The following PATJ variants were observed in gnomAD, a reference collection of about 807,000 sequenced individuals.
The protein encoded by PATJ is PATJ crumbs cell polarity complex component, also known as inaD-like protein.
In PATJ, 190 loss-of-function variants were observed where a neutral mutation model predicts 224.9. The ratio of observed to expected loss-of-function variants is 0.84; its 90% confidence interval spans 0.75 to 0.95. PATJ has a LOEUF of 0.95. Among genes scored for constraint, PATJ ranks in the 40% least tolerant of loss-of-function variants. The probability of loss-of-function intolerance (pLI) is 0.00; values close to 1 mark genes in which losing one functional copy is unlikely to be tolerated. For synonymous variants in PATJ, 769 were observed against 820.3 expected (o/e 0.94, Z 1.07); for missense variants, 2,121 against 2,270.3 (o/e 0.93, Z 1.34).
At chr1:61,963,989 A>G (rs1420343700) in intron 27 of PATJ, among the ~76,000 whole-genome samples, 2 of 152,180 alleles carry the variant, frequency 1.3e-5, no homozygotes, top group African/African-American at 4.8e-5. Context: ...ATTCTAATAT[A>G]ATGAGTTCTA....
chr1:62,013,484 A>G (rs1646574003), intron 28 of PATJ: 1 of 985,316 alleles, frequency 1.0e-6, no homozygotes, highest in Non-Finnish European at 1.2e-6. Flanking sequence ...GGAACCACCT[A>G]GAGGAGGATG....
intron 26 of PATJ, among the ~76,000 whole-genome samples, chr1:61,925,698 G>GA (rs1675090295): frequency 6.6e-6 from 1 of 152,072 alleles, no homozygotes; most frequent in South Asian, 2.1e-4. Flanking sequence ...TATAATTTAA[G>GA]AAAAAAATAA....
chr1:62,054,916 A>C (rs1654286403), intron 31 of PATJ, among the ~76,000 whole-genome samples: 1 of 152,008 alleles, frequency 6.6e-6, no homozygotes, highest in Admixed American at 6.6e-5. Flanking sequence ...TTAGCTGGGC[A>C]TGGTGGCGGG....
intron 27 of PATJ, among the ~76,000 whole-genome samples, chr1:61,970,090 T>C (rs1417883491): frequency 6.6e-6 from 1 of 151,994 alleles, no homozygotes; most frequent in African/African-American, 2.4e-5. Flanking sequence ...TTGTTTTTTG[T>C]TTTTTGTAAT....
chr1:62,101,453 G>A (rs1662171522), intron 33 of PATJ, among the ~76,000 whole-genome samples: 1 of 151,692 alleles, frequency 6.6e-6, no homozygotes, highest in Non-Finnish European at 1.5e-5. Context: ...AGTTGAGATG[G>A]GATTTCACCA....
At chr1:61,970,556 G>T (rs1005672061) in intron 27 of PATJ, among the ~76,000 whole-genome samples, 1 of 152,074 alleles carries the variant, frequency 6.6e-6, no homozygotes, top group African/African-American at 2.4e-5. Context: ...GCAGTGGTGC[G>T]ATGACAGCTC....
chr1:61,950,940 A>C (rs535403025), intron 27 of PATJ, among the ~76,000 whole-genome samples: 24 of 152,310 alleles, frequency 1.6e-4, no homozygotes, highest in Admixed American at 5.9e-4. Flanking sequence ...TGAGCTCAAG[A>C]GTTCAAGACC....
intron 20 of PATJ, among the ~76,000 whole-genome samples, chr1:61,869,122 T>A (rs1665873147): frequency 1.3e-5 from 2 of 149,926 alleles, no homozygotes; most frequent in Admixed American, 1.3e-4. Context: ...TTTTTTCTTT[T>A]TTGAGACGGA....
intron 15 of PATJ, among the ~76,000 whole-genome samples, chr1:61,825,040 A>G (rs1325874401): frequency 6.6e-6 from 1 of 152,244 alleles, no homozygotes; most frequent in Non-Finnish European, 1.5e-5. Context: ...CTGAATTGCC[A>G]CAGGTTAGCA....
At chr1:62,002,959 C>G (rs773020679) in intron 28 of PATJ, among the ~76,000 whole-genome samples, 1 of 152,114 alleles carries the variant, frequency 6.6e-6, no homozygotes, top group Non-Finnish European at 1.5e-5. Flanking sequence ...TAGGGAAAGT[C>G]TTGACTGGTA....
intron 11 of PATJ, among the ~76,000 whole-genome samples, chr1:61,798,196 T>C (rs1651745089): frequency 6.6e-6 from 1 of 152,074 alleles, no homozygotes; most frequent in African/African-American, 2.4e-5. Flanking sequence ...AAAACACGTA[T>C]TTGTATTTTA....
chr1:61,810,918 C>T (rs1654632249), intron 14 of PATJ, among the ~76,000 whole-genome samples: 1 of 151,878 alleles, frequency 6.6e-6, no homozygotes, highest in Non-Finnish European at 1.5e-5. Flanking sequence ...GAGGGAAACT[C>T]CGTCTCAAAG....
rs57285107 is a variant in PATJ, at chr1:62,098,358, C to CAAAAAAAA, written c.4378-10075_4378-10068dup. ...TGGGTGACAGAGGGAGACTCCATCTCAAAAAAAAAAAGAAAAAAGAAAAAA... is the reference window on the plus strand; with the variant it reads ...TGGGTGACAGAGGGAGACTCCATCTCAAAAAAAAAAAAAAAAAAAGAAAAAAGAAAAAA... On this transcript the variant is annotated intron_variant, in intron 33 of 43. Coordinates refer to ENST00000642238, the MANE Select transcript of PATJ (RefSeq NM_001350145.3). Among the ~76,000 whole-genome samples, 188 of 123,364 alleles carry CAAAAAAAA rather than the reference C, an allele frequency of 1.5e-3. 2 individuals are homozygous for CAAAAAAAA. Among genetic ancestry groups the CAAAAAAAA allele is most frequent in the African/African-American group, 4.6e-3 (149 of 32,148 alleles). The allele number at this position is 123,364 out of a possible 152,430, so 80.9% of individuals were successfully genotyped here. A position where few individuals can be genotyped will look rare whatever the true frequency, so the allele number is the denominator to read the frequency against.
chr1:61,981,831 C>A (rs1644468216), intron 27 of PATJ, among the ~76,000 whole-genome samples: 1 of 152,002 alleles, frequency 6.6e-6, no homozygotes, highest in South Asian at 2.1e-4. Context: ...GCCACCACAT[C>A]CAGCTAATTT....
chr1:62,051,531 T>G (rs1653626657), intron 31 of PATJ, among the ~76,000 whole-genome samples: 1 of 152,172 alleles, frequency 6.6e-6, no homozygotes, highest in Non-Finnish European at 1.5e-5. Flanking sequence ...TTTGCCATGT[T>G]AGCCAGGCTG....
At chr1:61,939,714 G>A (rs112168702) in intron 27 of PATJ, among the ~76,000 whole-genome samples, 5 of 105,076 alleles carry the variant, frequency 4.8e-5, no homozygotes, top group Admixed American at 1.3e-4. Context: ...AGACGTTGTC[G>A]CCCATGCTGG....
intron 27 of PATJ, among the ~76,000 whole-genome samples, chr1:61,977,297 C>T (rs1644191076): frequency 6.6e-6 from 1 of 151,968 alleles, no homozygotes; most frequent in African/African-American, 2.4e-5. Context: ...GCCATGTTGG[C>T]CAGGCTGATC....
At chr1:61,863,564 G>A (rs868796589) in intron 19 of PATJ, among the ~76,000 whole-genome samples, 1 of 152,156 alleles carries the variant, frequency 6.6e-6, no homozygotes, top group Non-Finnish European at 1.5e-5. Context: ...CCAGGTTTTA[G>A]CCAGGAACCC....
At chr1:61,949,495 A>T (rs1191552702) in intron 27 of PATJ, among the ~76,000 whole-genome samples, 2 of 152,246 alleles carry the variant, frequency 1.3e-5, no homozygotes, top group East Asian at 1.9e-4. Context: ...TAAAACTTTT[A>T]AAAATGTTTC....
Sources: gnomAD v4.1 joint callset for allele counts (sites outside exome capture counted in the v4.1 genomes callset) on GRCh38, gnomAD v4.1.1 for gene constraint, MANE v1.5 for transcripts, NCBI Gene and HGNC (gene_info 2026-07-23, HGNC 2026-07-21) for gene names.